PACRG: variants seen among roughly 807,000 people sequenced by gnomAD.
PACRG encodes parkin coregulated gene protein.
PACRG carries 29 observed loss-of-function variants against 29.7 expected under a neutral mutation model. The ratio of observed to expected loss-of-function variants is 0.98; its 90% CI spans 0.73 to 1.33. PACRG has a LOEUF of 1.33. PACRG is among the 40% of genes most tolerant of loss of function. The pLI is 0.00. For synonymous variants in PACRG, 116 were observed against 118.7 expected, an observed-to-expected ratio of 0.98 and a Z score of 0.15; for missense variants, 279 against 316.2, an observed-to-expected ratio of 0.88 and a Z score of 0.89.
chr6:162,766,368 T>A (rs1782793906), intron 1 of PACRG, among the ~76,000 whole-genome samples: 1 of 152,228 alleles, frequency 6.6e-6, no homozygotes. Flanking sequence ...ACCTTTCTCA[T>A]GTTGTCGCAA....
intron 4 of PACRG, among the ~76,000 whole-genome samples, chr6:163,154,540 A>G (rs1467213397): frequency 6.6e-6 from 1 of 152,214 alleles, no homozygotes; most frequent in Non-Finnish European, 1.5e-5. Flanking sequence ...AAGGAATTAA[A>G]TAAGCCACAC....
intron 4 of PACRG, among the ~76,000 whole-genome samples, chr6:163,090,128 TG>T (rs1424717495): frequency 6.6e-6 from 1 of 152,174 alleles, no homozygotes. Context: ...AGTAATTTAA[TG>T]GAGCACTGAA....
chr6:163,313,113 C>CAT (rs570601263), intron 4 of PACRG, among the ~76,000 whole-genome samples: 22,803 of 149,592 alleles, frequency 0.15, 1,883 homozygotes, highest in Admixed American at 0.17. Context: ...TATATATATA[C>CAT]ATATATATAT....
chr6:162,747,708 C>A (rs1235995334), intron 1 of PACRG, among the ~76,000 whole-genome samples: 1 of 151,240 alleles, frequency 6.6e-6, no homozygotes, highest in African/African-American at 2.4e-5. Context: ...TTAAGCTGAC[C>A]AAGACAGAGG....
chr6:162,947,647 TAC>T (rs56776153), intron 2 of PACRG, among the ~76,000 whole-genome samples: 8,095 of 56,526 alleles, frequency 0.14, 1,668 homozygotes, highest in Non-Finnish European at 0.19. Context: ...TATATATATA[TAC>T]ACCCAAAGAT....
intron 4 of PACRG, among the ~76,000 whole-genome samples, chr6:163,168,942 A>T (rs1000513088): frequency 1.3e-5 from 2 of 152,246 alleles, no homozygotes; most frequent in African/African-American, 4.8e-5. Context: ...CCTGCAAAAG[A>T]TATCCATATT....
At chr6:162,816,043 A>G (rs927295804) in intron 2 of PACRG, among the ~76,000 whole-genome samples, 3 of 151,820 alleles carry the variant, frequency 2.0e-5, no homozygotes, top group Admixed American at 6.5e-5. Flanking sequence ...AAAATAAATT[A>G]TTAATAAAAA....
At chr6:163,261,424 C>G (rs1248064418) in intron 4 of PACRG, among the ~76,000 whole-genome samples, 6 of 152,110 alleles carry the variant, frequency 3.9e-5, no homozygotes, top group Admixed American at 1.3e-4. Context: ...CCCCCCACCC[C>G]CTGAGGTGCT....
intron 2 of PACRG, among the ~76,000 whole-genome samples, chr6:163,057,048 A>G (rs1275401351): frequency 1.1e-4 from 16 of 152,214 alleles, no homozygotes; most frequent in Admixed American, 8.5e-4. Flanking sequence ...CGTGAGATAT[A>G]TAACATTAAT....
At chr6:162,811,112 G>C (rs1786826425) in intron 1 of PACRG, among the ~76,000 whole-genome samples, 1 of 152,180 alleles carries the variant, frequency 6.6e-6, no homozygotes, top group Non-Finnish European at 1.5e-5. Context: ...CCAAAGCCTT[G>C]AAGGGTAGAT....
chr6:162,995,695 C>T (rs1393592551), intron 2 of PACRG, among the ~76,000 whole-genome samples: 3 of 152,330 alleles, frequency 2.0e-5, no homozygotes, highest in Non-Finnish European at 2.9e-5. Flanking sequence ...AGAAATCACC[C>T]GTCTTCTGCG....
At chr6:163,302,738 G>A (rs1478724788) in intron 4 of PACRG, among the ~76,000 whole-genome samples, 7 of 152,168 alleles carry the variant, frequency 4.6e-5, no homozygotes, top group South Asian at 2.1e-4. Flanking sequence ...CCAAATATTC[G>A]GGGAAACATC....
At chr6:162,783,996 A>G (rs960727064) in intron 1 of PACRG, among the ~76,000 whole-genome samples, 1 of 152,158 alleles carries the variant, frequency 6.6e-6, no homozygotes. Flanking sequence ...TGAATTGGAA[A>G]CAATTGGTCA....
chr6:163,245,753 G>A (rs1782670803), intron 4 of PACRG, among the ~76,000 whole-genome samples: 2 of 152,098 alleles, frequency 1.3e-5, no homozygotes, highest in African/African-American at 4.8e-5. Context: ...ATGTCCAGTA[G>A]GCCTTTTAAA....
intron 2 of PACRG, among the ~76,000 whole-genome samples, chr6:162,865,744 T>C (rs1301899119): frequency 6.6e-6 from 1 of 152,180 alleles, no homozygotes; most frequent in Non-Finnish European, 1.5e-5. Context: ...TCAGAAAGGC[T>C]CGAATTAACT....
intron 4 of PACRG, among the ~76,000 whole-genome samples, chr6:163,303,242 G>A (rs1045232445): frequency 6.6e-6 from 1 of 152,076 alleles, no homozygotes; most frequent in Non-Finnish European, 1.5e-5. Context: ...GAGAATTGTT[G>A]GAGCCCAGGA....
chr6:162,869,010 A>G (rs1164848955), intron 2 of PACRG, among the ~76,000 whole-genome samples: 1 of 152,198 alleles, frequency 6.6e-6, no homozygotes, highest in Non-Finnish European at 1.5e-5. Flanking sequence ...CAGAGGGACG[A>G]TGACATGTGC....
At chr6:162,862,841 G>A (rs1478510148) in intron 2 of PACRG, among the ~76,000 whole-genome samples, 2 of 152,164 alleles carry the variant, frequency 1.3e-5, no homozygotes, top group Non-Finnish European at 2.9e-5. Flanking sequence ...GCTGGGGTGA[G>A]CTTTGGAGCT....
At chr6:163,248,530 G>A (rs537958491) in intron 4 of PACRG, among the ~76,000 whole-genome samples, 18 of 151,616 alleles carry the variant, frequency 1.2e-4, no homozygotes, top group South Asian at 2.1e-4. Flanking sequence ...ACACTATTCC[G>A]AGAAGCAGAA....
Sources: gnomAD v4.1 joint callset for allele counts (sites outside exome capture counted in the v4.1 genomes callset) on GRCh38, gnomAD v4.1.1 for gene constraint, MANE v1.5 for transcripts, NCBI Gene and HGNC (gene_info 2026-07-23, HGNC 2026-07-21) for gene names.